Variants in TTLL13 observed in about 807,000 individuals in gnomAD.
The protein encoded by TTLL13 is tubulin tyrosine ligase like 13, also known as tubulin polyglutamylase TTLL13.
chr15:90,252,543 G>A, the TTLL13 span, among the ~76,000 whole-genome samples: 1 of 152,118 alleles, frequency 6.6e-6, no homozygotes, highest in Non-Finnish European at 1.5e-5. Context: ...AGATTTGAAG[G>A]GACTTCAACG....
the TTLL13 span, chr15:90,265,156 C>T: frequency 1.6e-6 from 2 of 1,237,890 alleles, no homozygotes; most frequent in Non-Finnish European, 2.2e-6. Flanking sequence ...AATTGGGGAT[C>T]GGTAAAGACT....
chr15:90,254,549 G>A, the TTLL13 span, among the ~76,000 whole-genome samples: 1 of 140,054 alleles, frequency 7.1e-6, no homozygotes, highest in African/African-American at 2.5e-5. Flanking sequence ...AATGAGGAAT[G>A]CAGGCTGGGC....
At chr15:90,249,936 G>A in the TTLL13 span, 127 of 122,436 alleles carry the variant, frequency 1.0e-3, no homozygotes, top group South Asian at 1.3e-3. Context: ...TTGGTCTTCA[G>A]CTGTATTTTA....
chr15:90,252,621 A>G, the TTLL13 span, among the ~76,000 whole-genome samples: 41,415 of 152,084 alleles, frequency 0.27, 6,563 homozygotes, highest in East Asian at 0.69. Context: ...TTTATAAGGA[A>G]CCACACAAGT....
chr15:90,257,791 C>A, the TTLL13 span: 1 of 1,488,128 alleles, frequency 6.7e-7, no homozygotes, highest in Non-Finnish European at 9.3e-7. Context: ...GCCCATGAAA[C>A]CAAGCTGGCT....
the TTLL13 span, among the ~76,000 whole-genome samples, chr15:90,260,268 T>G: frequency 6.6e-6 from 1 of 152,058 alleles, no homozygotes; most frequent in Non-Finnish European, 1.5e-5. Context: ...GAGGCTGAGG[T>G]GGGTGGATCC....
chr15:90,263,635 A>G, the TTLL13 span: 1 of 598,540 alleles, frequency 1.7e-6, no homozygotes, highest in Non-Finnish European at 3.0e-6. Flanking sequence ...ATCTGGTTAA[A>G]TAGTGGCCGC....
the TTLL13 span, among the ~76,000 whole-genome samples, chr15:90,253,003 ACAAAC>A: frequency 6.6e-6 from 1 of 152,058 alleles, no homozygotes; most frequent in Non-Finnish European, 1.5e-5. Flanking sequence ...TCTCTAAAAA[ACAAAC>A]AAACAAACAA....
chr15:90,259,267 G>A, the TTLL13 span, among the ~76,000 whole-genome samples: 1 of 151,990 alleles, frequency 6.6e-6, no homozygotes, highest in African/African-American at 2.4e-5. Flanking sequence ...TGACATGCCT[G>A]TATTCCCAGC....
At chr15:90,257,983 C>T in the TTLL13 span, 1 of 1,547,228 alleles carries the variant, frequency 6.5e-7, no homozygotes, top group East Asian at 2.2e-5. Context: ...CTCCTGCCTA[C>T]AGCCTGGCCC....
At chr15:90,258,800 G>A in the TTLL13 span, 5 of 1,614,056 alleles carry the variant, frequency 3.1e-6, no homozygotes, top group Non-Finnish European at 4.2e-6. Context: ...AGTAAAGGAT[G>A]CACTTCTCTG....
chr15:90,262,055 T>C, the TTLL13 span: 16 of 1,535,868 alleles, frequency 1.0e-5, no homozygotes, highest in South Asian at 1.5e-4. Context: ...CCAGGAACGA[T>C]ATGAGGATTC....
chr15:90,255,227 G>A, the TTLL13 span, among the ~76,000 whole-genome samples: 1 of 152,130 alleles, frequency 6.6e-6, no homozygotes, highest in Non-Finnish European at 1.5e-5. Context: ...TTCTTTACTT[G>A]GTGGCATCCC....
chr15:90,253,377 T>A, the TTLL13 span: 1 of 1,604,462 alleles, frequency 6.2e-7, no homozygotes, highest in East Asian at 2.2e-5. Context: ...GGTACCCATC[T>A]CCTGACCTGA....
At chr15:90,258,407 G>A in the TTLL13 span, 1 of 759,562 alleles carries the variant, frequency 1.3e-6, no homozygotes, top group South Asian at 1.7e-5. Flanking sequence ...GGAATGAGCA[G>A]AAGGCATAAG....
chr15:90,256,441 G>A, the TTLL13 span: 1 of 1,035,194 alleles, frequency 9.7e-7, no homozygotes, highest in Non-Finnish European at 1.4e-6. Flanking sequence ...ATCCAGCCAT[G>A]GTTCAGAACC....
chr15:90,264,959 T>C, the TTLL13 span: 1 of 1,535,290 alleles, frequency 6.5e-7, no homozygotes, highest in East Asian at 2.4e-5. Flanking sequence ...CATCAATCAG[T>C]TCAGGTAAAA....
the TTLL13 span, chr15:90,262,592 G>A: frequency 6.5e-7 from 1 of 1,534,506 alleles, no homozygotes; most frequent in Non-Finnish European, 8.7e-7. Context: ...ATCAGCTGGG[G>A]AGAAAAGCCG....
At chr15:90,264,893 G>T in the TTLL13 span, 1 of 1,535,990 alleles carries the variant, frequency 6.5e-7, no homozygotes, top group African/African-American at 1.4e-5. Context: ...AGCAGCCAAG[G>T]TTCCCCTCTG....
Sources: gnomAD v4.1 joint callset for allele counts (sites outside exome capture counted in the v4.1 genomes callset) on GRCh38, gnomAD v4.1.1 for gene constraint, MANE v1.5 for transcripts, NCBI Gene and HGNC (gene_info 2026-07-23, HGNC 2026-07-21) for gene names.